Variants in FBXL17 observed in about 807,000 individuals in gnomAD.
The protein encoded by FBXL17 is F-box/LRR-repeat protein 17.
A neutral mutation model predicts 66.2 loss-of-function variants in FBXL17; 22 were observed. The ratio of observed to expected loss-of-function variants is 0.33; its 90% CI spans 0.24 to 0.47. The LOEUF (loss-of-function observed/expected upper bound fraction) is 0.47. Among genes scored for constraint, FBXL17 ranks in the 20% least tolerant of loss-of-function variants. The pLI, the probability that FBXL17 is intolerant of heterozygous loss-of-function variation, is 1.00. For synonymous variants in FBXL17, 474 were observed against 400.5 expected (o/e 1.18, Z -2.19); for missense variants, 878 against 948.2 (o/e 0.93, Z 0.97).
Position 108,136,170 on chromosome 5 carries a change from T to C in FBXL17, c.1745+49947A>G, listed in dbSNP as rs749845601. Among the ~76,000 whole-genome samples the C allele has an allele frequency of 2.6e-5, 4 of 152,220 alleles. 1 individual carries two copies. The highest frequency in any genetic ancestry group is 2.9e-5 in the Non-Finnish European group (2 of 67,992). ...AAAAATATGCAGATAGGTCAAATCT[T>C]TTAGATTTGGAGATGGGAAGACCTT... is the stretch of plus-strand genomic sequence containing the variant. On this transcript the variant is annotated intron_variant, in intron 6 of 8. Transcript: ENST00000542267.
chr5:107,961,983 C>T (rs965459160), intron 7 of FBXL17, among the ~76,000 whole-genome samples: 11 of 152,104 alleles, frequency 7.2e-5, no homozygotes, highest in African/African-American at 1.9e-4. Flanking sequence ...ACTCATCAGA[C>T]AGTGAAATGC....
chr5:108,252,419 G>A (rs1756397489), intron 4 of FBXL17, among the ~76,000 whole-genome samples: 1 of 151,858 alleles, frequency 6.6e-6, no homozygotes, highest in Non-Finnish European at 1.5e-5. Flanking sequence ...TAAATCAGCA[G>A]CCTCTTTGTT....
intron 5 of FBXL17, among the ~76,000 whole-genome samples, chr5:108,195,820 T>C (rs1753657522): frequency 6.6e-6 from 1 of 152,176 alleles, no homozygotes; most frequent in African/African-American, 2.4e-5. Flanking sequence ...AAATATCTTA[T>C]GGGGCACGAG....
intron 4 of FBXL17, among the ~76,000 whole-genome samples, chr5:108,324,264 A>T (rs1177672266): frequency 6.6e-6 from 1 of 152,054 alleles, no homozygotes; most frequent in Non-Finnish European, 1.5e-5. Context: ...AAAATGAGTA[A>T]TGTATTAGAA....
intron 6 of FBXL17, among the ~76,000 whole-genome samples, chr5:108,133,940 T>G (rs546042894): frequency 1.3e-5 from 2 of 152,220 alleles, no homozygotes; most frequent in African/African-American, 4.8e-5. Context: ...CTCAGTACAC[T>G]TGGAAGAATA....
At chr5:108,054,903 T>C (rs922861018) in intron 6 of FBXL17, among the ~76,000 whole-genome samples, 4 of 152,132 alleles carry the variant, frequency 2.6e-5, no homozygotes, top group Non-Finnish European at 4.4e-5. Flanking sequence ...ATTTAGAGTC[T>C]TCTTATGTTT....
At chr5:108,196,407 G>C (rs1424359823) in intron 5 of FBXL17, among the ~76,000 whole-genome samples, 2 of 152,096 alleles carry the variant, frequency 1.3e-5, no homozygotes, top group African/African-American at 2.4e-5. Flanking sequence ...TCTGCCCTCT[G>C]TACACCCACT....
At chr5:107,990,377 T>C (rs1297607400) in intron 7 of FBXL17, among the ~76,000 whole-genome samples, 1 of 152,182 alleles carries the variant, frequency 6.6e-6, no homozygotes, top group Non-Finnish European at 1.5e-5. Context: ...GCATTAGCTT[T>C]GGGGTAAAAG....
intron 8 of FBXL17, chr5:107,880,446 T>C: frequency 3.0e-6 from 3 of 991,792 alleles, no homozygotes; most frequent in Non-Finnish European, 3.6e-6. Flanking sequence ...CATGCTCACA[T>C]CCCTGGCTGG....
At chr5:107,936,431 A>T (rs1022996991) in intron 7 of FBXL17, among the ~76,000 whole-genome samples, 3 of 152,118 alleles carry the variant, frequency 2.0e-5, no homozygotes, top group East Asian at 3.9e-4. Flanking sequence ...TTTACTATTT[A>T]TTTTTTTAAA....
chr5:108,264,858 A>G (rs1018918887), intron 4 of FBXL17, among the ~76,000 whole-genome samples: 2 of 151,650 alleles, frequency 1.3e-5, no homozygotes, highest in Admixed American at 1.3e-4. Context: ...TCCTTAGTTT[A>G]TATTTCCTAA....
rs1415921185 is a variant in FBXL17, at chr5:107,859,388, CT to C, written c.*2331del. ...CACTCAAGGTGATGCTTTTTTCTGG[CT>C]GTTTTTTTTTTTTTTTTTTTTTTTT... On this transcript the variant is annotated 3_prime_UTR_variant, in exon 9 of 9. Transcript: ENST00000542267. The C allele has an allele frequency of 5.8e-5, 4 of 68,462 alleles. No individual in the cohort carries two copies. Among genetic ancestry groups the C allele is most frequent in the Non-Finnish European group, 1.2e-4 (4 of 33,102 alleles). 4.2% of individuals were successfully genotyped at this position (68,462 alleles called of 1,614,324 possible).
intron 4 of FBXL17, among the ~76,000 whole-genome samples, chr5:108,272,356 AT>A (rs200279924): frequency 0.31 from 44,766 of 145,508 alleles, 6,678 homozygotes; most frequent in Middle Eastern, 0.38. Context: ...GTTAGCTATA[AT>A]TTTTTTTTTT....
chr5:108,089,462 C>G (rs1749107206), intron 6 of FBXL17, among the ~76,000 whole-genome samples: 3 of 152,138 alleles, frequency 2.0e-5, no homozygotes, highest in Admixed American at 2.0e-4. Flanking sequence ...ACCACTCTCC[C>G]ATACCATCCC....
At chr5:108,372,661 T>C (rs1408373956) in intron 1 of FBXL17, among the ~76,000 whole-genome samples, 1 of 152,120 alleles carries the variant, frequency 6.6e-6, no homozygotes, top group Admixed American at 6.5e-5. Flanking sequence ...AAGAATCCTC[T>C]ATCTGGTAAA....
chr5:107,876,908 G>A (rs746247524), intron 8 of FBXL17, among the ~76,000 whole-genome samples: 26 of 152,274 alleles, frequency 1.7e-4, no homozygotes, highest in Non-Finnish European at 2.9e-4. Flanking sequence ...AGAGTGTCCC[G>A]TTGATTACAC....
Position 107,887,396 on chromosome 5 carries a change from G to A in FBXL17, c.1823-6217C>T, listed in dbSNP as rs1456231336. Among the ~76,000 whole-genome samples the A allele has an allele frequency of 2.6e-5, 4 of 152,136 alleles. 1 individual carries two copies. The East Asian group carries it at 7.7e-4, about 29-fold the overall frequency. On this transcript the variant is annotated intron_variant, in intron 7 of 8. Coordinates refer to ENST00000542267, the MANE Select transcript of FBXL17 (RefSeq NM_001163315.3). ...ATTAGTCATACAAGCGCATTAACAA[G>A]CGACCTGCATGTGCCGTTTTGTCCT...
chr5:107,867,521 G>A (rs1022071476), intron 8 of FBXL17, among the ~76,000 whole-genome samples: 4 of 152,260 alleles, frequency 2.6e-5, no homozygotes, highest in African/African-American at 7.2e-5. Context: ...TTTGACTCTG[G>A]TGTTTACAGC....
chr5:108,377,032 A>G (rs927372768), intron 1 of FBXL17, among the ~76,000 whole-genome samples: 1 of 152,120 alleles, frequency 6.6e-6, no homozygotes, highest in Non-Finnish European at 1.5e-5. Flanking sequence ...ATTCACATAT[A>G]TATGTTTTAG....
Sources: gnomAD v4.1 joint callset for allele counts (sites outside exome capture counted in the v4.1 genomes callset) on GRCh38, gnomAD v4.1.1 for gene constraint, MANE v1.5 for transcripts, NCBI Gene and HGNC (gene_info 2026-07-23, HGNC 2026-07-21) for gene names.